Variants in RBMS3 observed in about 807,000 individuals in gnomAD.
RBMS3 encodes the protein RNA binding motif single stranded interacting protein 3.
In RBMS3, 27 loss-of-function variants were observed where a neutral mutation model predicts 66.8. The ratio of observed to expected loss-of-function variants is 0.40; its 90% CI spans 0.30 to 0.56. The LOEUF (loss-of-function observed/expected upper bound fraction) is 0.56, where lower values mean the gene tolerates loss of function less well. Among genes scored for constraint, RBMS3 ranks in the 20% least tolerant of loss-of-function variants. RBMS3 has a pLI of 0.40. For synonymous variants in RBMS3, 188 were observed against 183.0 expected (o/e 1.03, Z -0.22); for missense variants, 513 against 549.5 (o/e 0.93, Z 0.66).
intron 6 of RBMS3, among the ~76,000 whole-genome samples, chr3:29,776,812 C>T (rs752708953): frequency 4.6e-5 from 7 of 151,862 alleles, no homozygotes; most frequent in East Asian, 1.9e-4. Context: ...TAAGGACTAC[C>T]CTTCCATTTT....
At chr3:29,961,466 C>T (rs951895438) in intron 12 of RBMS3, among the ~76,000 whole-genome samples, 1 of 152,108 alleles carries the variant, frequency 6.6e-6, no homozygotes, top group Non-Finnish European at 1.5e-5. Flanking sequence ...GGTATCTTTA[C>T]AGCAGCACCC....
intron 2 of RBMS3, among the ~76,000 whole-genome samples, chr3:29,446,498 C>T (rs1466571365): frequency 6.6e-6 from 1 of 151,998 alleles, no homozygotes; most frequent in African/African-American, 2.4e-5. Flanking sequence ...CACCACTATA[C>T]ATAGTACACT....
rs560349850 is a variant in RBMS3, at chr3:29,728,143, G to C, written c.400-11577G>C. Reference sequence around the variant, plus strand: ...ACACTGCATGTTCTCACTTATAAATGGGAGTTGAACCATGAGAAAACATGG... The same window carrying C: ...ACACTGCATGTTCTCACTTATAAATCGGAGTTGAACCATGAGAAAACATGG... On this transcript the variant is annotated intron_variant, in intron 4 of 14. Transcript: ENST00000383767. Among the ~76,000 whole-genome samples, 22 of 152,158 alleles carry C rather than the reference G, an allele frequency of 1.4e-4. No individual in the cohort carries two copies. In the East Asian group the frequency reaches 4.3e-3, roughly 29 times the overall value.
intron 1 of RBMS3, among the ~76,000 whole-genome samples, chr3:29,367,616 A>G (rs1466496201): frequency 6.6e-6 from 1 of 152,154 alleles, no homozygotes; most frequent in Non-Finnish European, 1.5e-5. Flanking sequence ...CTATTTTTAA[A>G]ATAATGTTGG....
At chr3:29,862,504 G>C (rs536170655) in intron 6 of RBMS3, among the ~76,000 whole-genome samples, 16 of 152,168 alleles carry the variant, frequency 1.1e-4, no homozygotes, top group African/African-American at 3.4e-4. Context: ...TTAACACAAA[G>C]AGAAACAGCA....
intron 1 of RBMS3, among the ~76,000 whole-genome samples, chr3:29,363,083 C>CT (rs1460957281): frequency 2.6e-5 from 4 of 152,128 alleles, no homozygotes; most frequent in African/African-American, 9.7e-5. Flanking sequence ...TGAGTGTCTG[C>CT]TTTTTTAGTT....
At chr3:29,538,907 A>G (rs1178761637) in intron 3 of RBMS3, among the ~76,000 whole-genome samples, 1 of 152,220 alleles carries the variant, frequency 6.6e-6, no homozygotes, top group Non-Finnish European at 1.5e-5. Context: ...TTAAGATTAC[A>G]TGATAAAATA....
At chr3:29,306,255 C>T (rs907730122) in intron 1 of RBMS3, among the ~76,000 whole-genome samples, 4 of 151,868 alleles carry the variant, frequency 2.6e-5, no homozygotes, top group African/African-American at 9.7e-5. Context: ...CACCTGGACC[C>T]AAGGTGGACT....
intron 2 of RBMS3, among the ~76,000 whole-genome samples, chr3:29,443,077 T>A (rs1400579893): frequency 6.6e-6 from 1 of 152,154 alleles, no homozygotes; most frequent in Non-Finnish European, 1.5e-5. Flanking sequence ...ATTCCAGTTT[T>A]GTAACCCAAG....
intron 3 of RBMS3, among the ~76,000 whole-genome samples, chr3:29,582,934 A>C (rs192441266): frequency 1.3e-5 from 2 of 152,278 alleles, no homozygotes; most frequent in East Asian, 3.9e-4. Flanking sequence ...GTAACTAGTG[A>C]AAGTGTGTAT....
At chr3:29,961,486 G>A (rs1696440491) in intron 12 of RBMS3, among the ~76,000 whole-genome samples, 1 of 152,028 alleles carries the variant, frequency 6.6e-6, no homozygotes, top group Non-Finnish European at 1.5e-5. Context: ...CCACTACACA[G>A]TACCAATTTA....
intron 13 of RBMS3, among the ~76,000 whole-genome samples, chr3:29,990,460 CAAAAAAA>C (rs10596526): frequency 0.085 from 9,027 of 106,796 alleles, 335 homozygotes; most frequent in South Asian, 0.24. Flanking sequence ...CTGTGAGAAA[CAAAAAAA>C]AAAAAAAAAA....
At chr3:29,679,658 C>T (rs2051403499) in intron 4 of RBMS3, among the ~76,000 whole-genome samples, 1 of 151,858 alleles carries the variant, frequency 6.6e-6, no homozygotes, top group Non-Finnish European at 1.5e-5. Context: ...CATCCTACTC[C>T]TTTGGAATTT....
At chr3:29,595,482 T>C (rs1026504580) in intron 4 of RBMS3, among the ~76,000 whole-genome samples, 1 of 152,040 alleles carries the variant, frequency 6.6e-6, no homozygotes, top group African/African-American at 2.4e-5. Context: ...GAAGAGAATG[T>C]GTCCACAAGC....
At chr3:29,528,139 G>T (rs2045208319) in intron 3 of RBMS3, among the ~76,000 whole-genome samples, 2 of 131,092 alleles carry the variant, frequency 1.5e-5, no homozygotes, top group East Asian at 4.5e-4. Flanking sequence ...TTGAGATATG[G>T]TCTCTCTCTG....
At chr3:29,969,049 G>C (rs1408108841) in intron 12 of RBMS3, among the ~76,000 whole-genome samples, 3 of 150,176 alleles carry the variant, frequency 2.0e-5, no homozygotes, top group African/African-American at 7.5e-5. Flanking sequence ...AGTTATCATA[G>C]ACAGTGGTGA....
At position 29,707,421 on chromosome 3, in the gene RBMS3, A is replaced by G. The variant is rs150255484; in HGVS notation, c.400-32299A>G. Among the ~76,000 whole-genome samples, 16 of 152,346 alleles carry G rather than the reference A, an allele frequency of 1.1e-4. No homozygotes were observed. In the East Asian group the frequency reaches 2.5e-3, roughly 24 times the overall value. On this transcript the variant is annotated intron_variant, in intron 4 of 14. Coordinates refer to ENST00000383767, the MANE Select transcript of RBMS3 (RefSeq NM_001003793.3). ...TAATGATGTTCCATAGCTATTTTAA[A>G]TTAAGAGCAATATTTTCCAGACCTG...
intron 1 of RBMS3, among the ~76,000 whole-genome samples, chr3:29,385,813 C>G (rs561503122): frequency 6.6e-6 from 1 of 152,316 alleles, no homozygotes; most frequent in South Asian, 2.1e-4. Context: ...TTCATAATTC[C>G]TATCTCAGGC....
At chr3:29,770,911 A>G (rs530949044) in intron 6 of RBMS3, among the ~76,000 whole-genome samples, 6 of 152,140 alleles carry the variant, frequency 3.9e-5, no homozygotes, top group Non-Finnish European at 2.9e-5. Context: ...CATTCTAACC[A>G]ATTTTTGTAT....
Sources: gnomAD v4.1 joint callset for allele counts (sites outside exome capture counted in the v4.1 genomes callset) on GRCh38, gnomAD v4.1.1 for gene constraint, MANE v1.5 for transcripts, NCBI Gene and HGNC (gene_info 2026-07-23, HGNC 2026-07-21) for gene names.